Variants in FLT3 observed in about 807,000 individuals in gnomAD.
FLT3 encodes fms related receptor tyrosine kinase 3.
A neutral mutation model predicts 126.6 loss-of-function variants in FLT3; 46 were observed. That is an observed-to-expected ratio of 0.36 (90% CI 0.29 to 0.46). The LOEUF (loss-of-function observed/expected upper bound fraction) is 0.46. Among genes scored for constraint, FLT3 ranks in the 20% least tolerant of loss-of-function variants. FLT3 has a pLI of 1.00. For synonymous variants in FLT3, 404 were observed against 434.4 expected, an observed-to-expected ratio of 0.93 and a Z score of 0.87; for missense variants, 1,069 against 1,190.3, an observed-to-expected ratio of 0.90 and a Z score of 1.50.
intron 4 of FLT3, among the ~76,000 whole-genome samples, chr13:28,053,397 G>GATATATATATATATATATAT (rs10522717): frequency 0.013 from 1,801 of 134,532 alleles, 33 homozygotes; most frequent in African/African-American, 0.028. Flanking sequence ...TGTACTGTTT[G>GATATATATATATATATATAT]ATATATATAT....
chr13:28,005,104 CG>C (rs1555248679), intron 23 of FLT3, among the ~76,000 whole-genome samples: 1 of 152,108 alleles, frequency 6.6e-6, no homozygotes, highest in Non-Finnish European at 1.5e-5. Context: ...CCGAGGCGGG[CG>C]GATCACCTGG....
At chr13:28,005,731 G>T (rs963546519) in intron 23 of FLT3, among the ~76,000 whole-genome samples, 3 of 152,134 alleles carry the variant, frequency 2.0e-5, no homozygotes, top group Non-Finnish European at 4.4e-5. Flanking sequence ...CTGCAGAAAG[G>T]TTGTATTTAT....
chr13:28,015,777 T>C (rs1871800502), intron 20 of FLT3, 76 bp from the exon 21 acceptor site: 2 of 854,788 alleles, frequency 2.3e-6, no homozygotes, highest in East Asian at 2.4e-5. Flanking sequence ...TGTATTAAGA[T>C]GAAATGCATC....
chr13:28,031,552 T>G (rs1873349363), intron 15 of FLT3, among the ~76,000 whole-genome samples: 1 of 152,082 alleles, frequency 6.6e-6, no homozygotes. Context: ...AGGTGATGGA[T>G]TCTACGGGGG....
chr13:28,070,748 T>C lies in FLT3; in HGVS notation c.44-136A>G, dbSNP rs7982889. 0.21 allele frequency: 133,370 copies of C among 647,032 alleles called. 15,468 individuals carry two copies. The highest frequency in any genetic ancestry group is 0.41 in the African/African-American group (22,121 of 54,578). 40.1% of individuals were successfully genotyped at this position (647,032 alleles called of 1,614,324 possible). A position where few individuals can be genotyped will look rare whatever the true frequency, so the allele number is the denominator to read the frequency against. On this transcript the variant is annotated intron_variant, in intron 1 of 23. Transcript: ENST00000241453. ...CCACTATGAAAGTATGTAGGAAATT[T>C]GATTTTATGCAAGTTTAGTCTAGTT...
chr13:28,037,111 CT>C, intron 10 of FLT3, 73 bp downstream of exon 10: 1 of 896,464 alleles, frequency 1.1e-6, no homozygotes. Context: ...CATTACTTAA[CT>C]TTTCCTAGTT....
intron 1 of FLT3, among the ~76,000 whole-genome samples, chr13:28,075,764 T>C (rs1209494710): frequency 6.6e-6 from 1 of 151,380 alleles, no homozygotes; most frequent in East Asian, 2.0e-4. Context: ...GTATTTATTT[T>C]TTCATGTTGA....
intron 1 of FLT3, among the ~76,000 whole-genome samples, chr13:28,091,303 G>C (rs1209456139): frequency 2.4e-5 from 3 of 123,568 alleles, no homozygotes; most frequent in Non-Finnish European, 3.2e-5. Context: ...CTCACTGCAA[G>C]CTCCGCCTCC....
rs185137504 is a variant in FLT3 at position 28,003,507 on chromosome 13, C to T, written c.*545G>A. 75 of 236,264 alleles carry T rather than the reference C, an allele frequency of 3.2e-4. No homozygotes were observed. The highest frequency in any genetic ancestry group is 5.2e-4 in the Non-Finnish European group (62 of 119,654). 14.6% of individuals were successfully genotyped at this position (236,264 alleles called of 1,614,324 possible). The stretch of plus-strand genomic sequence containing the variant: ...ATCTTGGGGTAAAAGCACACGTGCT[C>T]TGGAAGGAATGTGTAGGTGGCTATG... On this transcript the variant is annotated 3_prime_UTR_variant, in exon 24 of 24. Coordinates refer to ENST00000241453, the MANE Select transcript of FLT3 (RefSeq NM_004119.3).
At chr13:28,037,917 G>A (rs943794158) in intron 9 of FLT3, among the ~76,000 whole-genome samples, 5 of 152,094 alleles carry the variant, frequency 3.3e-5, no homozygotes, top group African/African-American at 7.2e-5. Flanking sequence ...TCTAATCCCC[G>A]ATGATCTGAG....
At chr13:28,038,749 A>C (rs2504235) in intron 9 of FLT3, among the ~76,000 whole-genome samples, 1 of 151,972 alleles carries the variant, frequency 6.6e-6, no homozygotes, top group Non-Finnish European at 1.5e-5. Context: ...CACTGCGCCC[A>C]GCCTAGCCTA....
chr13:28,071,132 T>C (rs997868184), intron 1 of FLT3, among the ~76,000 whole-genome samples: 1 of 151,236 alleles, frequency 6.6e-6, no homozygotes, highest in Non-Finnish European at 1.5e-5. Context: ...GTGGCTGGGA[T>C]TACAGGTGCC....
chr13:28,091,290 C>A (rs892476558), intron 1 of FLT3, among the ~76,000 whole-genome samples: 7 of 121,800 alleles, frequency 5.7e-5, no homozygotes, highest in Non-Finnish European at 9.6e-5. Flanking sequence ...GGCGCGATCT[C>A]GGCTCACTGC....
intron 15 of FLT3, among the ~76,000 whole-genome samples, chr13:28,033,435 G>C (rs922823341): frequency 6.6e-6 from 1 of 152,154 alleles, no homozygotes; most frequent in Middle Eastern, 3.2e-3. Context: ...AGGCCGAGGC[G>C]GGCAGATAGT....
intron 9 of FLT3, 49 bp from the exon 10 acceptor site, chr13:28,037,337 A>T: frequency 9.4e-7 from 1 of 1,068,910 alleles, no homozygotes; most frequent in African/African-American, 1.6e-5. Context: ...GCTACAGGAG[A>T]TGCTGCAACT....
chr13:28,064,933 T>C (rs540904421), intron 2 of FLT3, among the ~76,000 whole-genome samples: 33 of 152,288 alleles, frequency 2.2e-4, no homozygotes, highest in Non-Finnish European at 4.3e-4. Flanking sequence ...ACCTAAATGC[T>C]CGTACATAGA....
In FLT3 at chr13:28,052,616, G is replaced by T. The variant is rs767657203; in HGVS notation, c.543C>A (p.Ala181=). The T allele has an allele frequency of 2.3e-5, 37 of 1,613,228 alleles. No homozygotes were observed. In the African/African-American group the frequency reaches 4.7e-4, roughly 20 times the overall value. ...PYFRKMENQD[A]LVCISESVPE... ...GAACGCTCTCAGATATGCAGACCAG[G>T]GCGTCCTGGTTTTCCATTTTTCTAA... Residue 181 remains alanine, a synonymous_variant, in exon 5 of 24, where the codon GCC becomes GCA. Transcript: ENST00000241453.
At chr13:28,071,817 T>A (rs951629784) in intron 1 of FLT3, among the ~76,000 whole-genome samples, 13 of 152,126 alleles carry the variant, frequency 8.5e-5, no homozygotes, top group Admixed American at 4.6e-4. Flanking sequence ...CAACTATAAT[T>A]CAGCTTTCAT....
At chr13:28,030,734 TAAATA>T (rs1245833180) in intron 15 of FLT3, among the ~76,000 whole-genome samples, 1 of 151,464 alleles carries the variant, frequency 6.6e-6, no homozygotes, top group Non-Finnish European at 1.5e-5. Flanking sequence ...AATACATAAA[TAAATA>T]AAATAAAATA....
Sources: allele counts gnomAD v4.1 joint callset (sites outside exome capture counted in the v4.1 genomes callset), GRCh38; gene constraint gnomAD v4.1.1; transcripts MANE v1.5; gene names NCBI Gene and HGNC (gene_info 2026-07-23, HGNC 2026-07-21).